The following LAMB4 variants were observed in gnomAD, a reference collection of about 807,000 sequenced individuals.
The protein encoded by LAMB4 is laminin subunit beta-4.
In LAMB4, 196 loss-of-function variants were observed where a neutral mutation model predicts 199.2. The ratio of observed to expected loss-of-function variants is 0.98; its 90% CI spans 0.88 to 1.11. The LOEUF is 1.11. Among genes scored for constraint, LAMB4 ranks in the 50% least tolerant of loss-of-function variants. The pLI is 0.00. For missense variants in LAMB4, 2,080 were observed against 2,171.2 expected (o/e 0.96, Z 0.83); for synonymous variants, 744 against 770.6 (o/e 0.97, Z 0.57).
intron 4 of LAMB4, 138 bp downstream of exon 4, chr7:108,111,673 G>T: frequency 1.5e-6 from 1 of 647,882 alleles, no homozygotes; most frequent in Non-Finnish European, 2.6e-6. Flanking sequence ...ATTCTTATAT[G>T]GGTCTCTACA....
chr7:108,070,198 GT>G (rs2036486441), intron 17 of LAMB4, among the ~76,000 whole-genome samples: 1 of 152,222 alleles, frequency 6.6e-6, no homozygotes. Context: ...AACAACTCGT[GT>G]TAAAAGCAGC....
At chr7:108,112,316 AT>A (rs148022175) in intron 3 of LAMB4, among the ~76,000 whole-genome samples, 2,728 of 146,622 alleles carry the variant, frequency 0.019, 23 homozygotes, top group Middle Eastern at 0.029. Flanking sequence ...TTTGCTTAGG[AT>A]TTTTTTTTTT....
chr7:108,030,315 G>T (rs1210517291), intron 32 of LAMB4, among the ~76,000 whole-genome samples: 1 of 152,130 alleles, frequency 6.6e-6, no homozygotes, highest in Non-Finnish European at 1.5e-5. Flanking sequence ...AGGAAAATGA[G>T]CTGATAGGTT....
At chr7:108,017,311 A>G in the LAMB4 span, among the ~76,000 whole-genome samples, 4 of 152,308 alleles carry the variant, frequency 2.6e-5, no homozygotes, top group East Asian at 3.9e-4. Flanking sequence ...GTGCTGATGG[A>G]TGAGCAGGTG....
intron 28 of LAMB4, among the ~76,000 whole-genome samples, chr7:108,046,092 G>T (rs1243204844): frequency 2.0e-5 from 3 of 151,704 alleles, no homozygotes; most frequent in Non-Finnish European, 4.4e-5. Context: ...TTTTAAACGA[G>T]GTCTCACTGT....
intron 31 of LAMB4, among the ~76,000 whole-genome samples, chr7:108,033,668 C>T (rs2035120114): frequency 6.6e-6 from 1 of 151,994 alleles, no homozygotes; most frequent in Non-Finnish European, 1.5e-5. Context: ...CTTGACCTCC[C>T]AAAGTGCTGG....
chr7:108,116,968 T>G (rs1210698385), intron 2 of LAMB4, among the ~76,000 whole-genome samples: 1 of 152,164 alleles, frequency 6.6e-6, no homozygotes, highest in Non-Finnish European at 1.5e-5. Flanking sequence ...GCCCAGGTAT[T>G]CAAGTCTATA....
At chr7:108,027,244 T>TAA (rs71137603) in intron 33 of LAMB4, among the ~76,000 whole-genome samples, 2 of 150,240 alleles carry the variant, frequency 1.3e-5, no homozygotes, top group Admixed American at 6.6e-5. Flanking sequence ...AATGCAAGAT[T>TAA]AAAAAAAAAA....
rs773118215 is a variant in LAMB4 at position 108,049,099 on chromosome 7, T to A, written c.4122+227A>T. Among the ~76,000 whole-genome samples the A allele has an allele frequency of 2.3e-3, 351 of 151,958 alleles. 2 individuals are homozygous for A. Among genetic ancestry groups the A allele is most frequent in the Non-Finnish European group, 4.4e-3 (297 of 67,958 alleles). On this transcript the variant is annotated intron_variant, in intron 27 of 33. Coordinates refer to ENST00000388781, the MANE Select transcript of LAMB4 (RefSeq NM_007356.3). ...AGAAATAGTAAATAATATCAAATAA[T>A]CAAGCCACAATCTTTACTCTTTGAT... is the stretch of plus-strand genomic sequence containing the variant.
chr7:108,012,863 A>G, the LAMB4 span, among the ~76,000 whole-genome samples: 1 of 152,062 alleles, frequency 6.6e-6, no homozygotes, highest in Non-Finnish European at 1.5e-5. Context: ...AGCTCCTTCT[A>G]TCTGGAATGC....
intron 30 of LAMB4, among the ~76,000 whole-genome samples, chr7:108,036,419 C>T (rs1050082289): frequency 3.3e-5 from 5 of 152,072 alleles, no homozygotes; most frequent in Admixed American, 6.6e-5. Context: ...AATTCCTGAC[C>T]GCAGGTGATC....
chr7:108,124,884 C>T (rs527912502), intron 1 of LAMB4, among the ~76,000 whole-genome samples: 8 of 152,278 alleles, frequency 5.3e-5, no homozygotes, highest in African/African-American at 1.4e-4. Flanking sequence ...CTTCTTTGCA[C>T]GCTGTTTCCT....
chr7:108,030,900 A>G lies in LAMB4; in HGVS notation c.4898T>C (p.Leu1633Pro), dbSNP rs143043073. The change falls in exon 32 of 34, where the codon CTG becomes CCG. Residue 1633 changes from leucine (L) to proline (P), a missense_variant. Coordinates refer to ENST00000388781, the MANE Select transcript of LAMB4 (RefSeq NM_007356.3). ...ATGCCTTTGCAACTTGGTCTGCAGC[A>G]GGGAAAGTCCATCCTCCAGCCCTGA... ...QRSGLEDGLS[L>P]LQTKLQRHQD... 8.4e-4 allele frequency: 1,350 copies of G among 1,614,128 alleles called. 2 individuals carry two copies. The highest frequency in any genetic ancestry group is 1.1e-3 in the Non-Finnish European group (1,316 of 1,179,996).
At chr7:108,100,222 A>G (rs570031604) in intron 10 of LAMB4, among the ~76,000 whole-genome samples, 1 of 152,320 alleles carries the variant, frequency 6.6e-6, no homozygotes, top group South Asian at 2.1e-4. Flanking sequence ...ACATAATTCT[A>G]GCAAACTTTT....
rs2038902249 is a variant in LAMB4, at chr7:108,129,342, T to TA, written c.-34+963dup. On this transcript the variant is annotated intron_variant, in intron 1 of 33. Transcript: ENST00000388781. ...TTATAACACAGAAGATAATTATAAA[T>TA]ACATTTATATTAGCCCTTAAGACTT... Among the ~76,000 whole-genome samples, 4 of 152,316 alleles carry TA rather than the reference T, an allele frequency of 2.6e-5. No homozygotes were observed. In the South Asian group the frequency reaches 8.3e-4, roughly 32 times the overall value.
intron 2 of LAMB4, among the ~76,000 whole-genome samples, chr7:108,121,929 A>T (rs1195858275): frequency 6.6e-6 from 1 of 152,198 alleles, no homozygotes; most frequent in Non-Finnish European, 1.5e-5. Context: ...CAAACTATCA[A>T]TGGGAAAATT....
intron 29 of LAMB4, among the ~76,000 whole-genome samples, chr7:108,039,625 C>A (rs182326653): frequency 1.3e-5 from 2 of 152,062 alleles, no homozygotes; most frequent in Non-Finnish European, 2.9e-5. Flanking sequence ...CGCACCACCA[C>A]ATCCAGCTGA....
chr7:108,107,652 A>G lies in LAMB4; in HGVS notation c.570T>C (p.Ile190=). 1 of 1,609,566 alleles carries G rather than the reference A, an allele frequency of 6.2e-7. No individual in the cohort carries two copies. Among genetic ancestry groups the G allele is most frequent in the Non-Finnish European group, 8.5e-7 (1 of 1,178,638 alleles). ...DIVCDSKYSD[I]EPSTGGEVVL... ...CTACCTCTCCACCTGTTGAGGGTTC[A>G]ATATCCGAGTATTTGGAGTCACAAA... Residue 190 remains isoleucine, a synonymous_variant, in exon 6 of 34, where the codon ATT becomes ATC. Coordinates refer to ENST00000388781, the MANE Select transcript of LAMB4 (RefSeq NM_007356.3).
Position 108,024,105 on chromosome 7 carries a change from A to T in LAMB4, c.5220T>A (p.Asp1740Glu). ...TTTCATTTTTAATGGCAACAACTTG[A>T]TCTTCCAATATTCTCAGTTGATCAG... is the stretch of plus-strand genomic sequence containing the variant. Reference protein sequence around the residue: ...AKADQLRILEDQVVAIKNEIV... With the variant: ...AKADQLRILEEQVVAIKNEIV... Residue 1740 changes from aspartate to glutamate, a missense_variant, in exon 34 of 34, where the codon GAT becomes GAA. Physicochemically the swap from Asp to Glu is conservative, Grantham distance 45. Coordinates refer to ENST00000388781, the MANE Select transcript of LAMB4 (RefSeq NM_007356.3). 6.2e-7 allele frequency: 1 copy of T among 1,606,008 alleles called. No homozygotes were observed. Among genetic ancestry groups the T allele is most frequent in the Non-Finnish European group, 8.5e-7 (1 of 1,174,338 alleles).
Sources: gnomAD v4.1 joint callset for allele counts (sites outside exome capture counted in the v4.1 genomes callset) on GRCh38, gnomAD v4.1.1 for gene constraint, MANE v1.5 for transcripts, NCBI Gene and HGNC (gene_info 2026-07-23, HGNC 2026-07-21) for gene names.